The following NEMP2 variants were observed in gnomAD, a reference collection of about 807,000 sequenced individuals.
NEMP2 encodes nuclear envelope integral membrane protein 2.
NEMP2 carries 53 observed loss-of-function variants against 54.2 expected under a neutral mutation model. The observed-to-expected ratio is 0.98, with a 90% CI of 0.78 to 1.23. NEMP2 has a LOEUF of 1.23. Ranked by LOEUF, NEMP2 falls within the 50% of genes most tolerant of loss-of-function variation. The pLI is 0.00. For synonymous variants in NEMP2, 197 were observed against 190.3 expected (o/e 1.04, Z -0.29); for missense variants, 455 against 511.3 (o/e 0.89, Z 1.06).
chr2:190,480,380 ATAGTTAG>A, the NEMP2 span, among the ~76,000 whole-genome samples: 1 of 151,812 alleles, frequency 6.6e-6, no homozygotes, highest in Admixed American at 6.6e-5. Flanking sequence ...ATCATGTACT[ATAGTTAG>A]TAGTTTATAA....
At chr2:190,431,487 G>C in the NEMP2 span, among the ~76,000 whole-genome samples, 1 of 152,206 alleles carries the variant, frequency 6.6e-6, no homozygotes, top group Non-Finnish European at 1.5e-5. The surrounding 1 kb of genome is among the most constrained non-coding windows in gnomAD (Gnocchi z 4.4). Context: ...CGGATCACTC[G>C]CGATTAGGAG....
At position 190,521,766 on chromosome 2, in the gene NEMP2, AG is replaced by A. The variant is rs1268294384; in HGVS notation, c.214-2584del. 2.6e-5 allele frequency among the ~76,000 whole-genome samples: 4 copies of A among 152,346 alleles called. No homozygotes were observed. The highest frequency in any genetic ancestry group is 5.9e-5 in the Non-Finnish European group (4 of 68,036). ...CAGTCATCTTATTTGACCTGTCAAC[AG>A]CACTTGGCATTGCTGATTATTCCCT... is the stretch of plus-strand genomic sequence containing the variant. On this transcript the variant is annotated intron_variant, in intron 2 of 8. Transcript: ENST00000409150. The surrounding 1 kb of genome is among the most constrained non-coding windows in gnomAD (Gnocchi z 6.2).
chr2:190,589,460 A>T, the NEMP2 span, among the ~76,000 whole-genome samples: 1 of 152,170 alleles, frequency 6.6e-6, no homozygotes, highest in African/African-American at 2.4e-5. This position sits in a 1 kb window ranked among gnomAD's most constrained non-coding sequence, Gnocchi z 4.3. Flanking sequence ...ATTTAAGAAC[A>T]CAACCAGCAT....
At chr2:190,640,786 AATTTTTTTTTTTTTTTTTTTTTTTTTTT>A in the NEMP2 span, among the ~76,000 whole-genome samples, 1,055 of 119,332 alleles carry the variant, frequency 8.8e-3, 2 homozygotes, top group Admixed American at 0.012. Flanking sequence ...TAACACATTC[AATTTTTTTTTTTTTTTTTTTTTTTTTTT>A]TTTTTTTTTT....
the NEMP2 span, among the ~76,000 whole-genome samples, chr2:190,479,517 AC>A: frequency 6.6e-6 from 1 of 152,224 alleles, no homozygotes; most frequent in Non-Finnish European, 1.5e-5. Context: ...TGTACAAAGA[AC>A]AATTAAACAT....
At chr2:190,455,315 A>G in the NEMP2 span, among the ~76,000 whole-genome samples, 1 of 152,182 alleles carries the variant, frequency 6.6e-6, no homozygotes, top group Admixed American at 6.5e-5. Flanking sequence ...TAACGTTTTA[A>G]GTATAGGTAT....
chr2:190,431,072 G>A, the NEMP2 span, among the ~76,000 whole-genome samples: 5 of 134,460 alleles, frequency 3.7e-5, no homozygotes, highest in South Asian at 4.9e-4. This position sits in a 1 kb window ranked among gnomAD's most constrained non-coding sequence, Gnocchi z 4.4. Context: ...AGACGGGGTC[G>A]CAGCCGGGCA....
At chr2:190,549,157 T>C in the NEMP2 span, among the ~76,000 whole-genome samples, 1 of 152,250 alleles carries the variant, frequency 6.6e-6, no homozygotes, top group Admixed American at 6.5e-5. Context: ...GGCATGTGCC[T>C]CTGTTCTCTG....
At chr2:190,542,869 T>C in the NEMP2 span, among the ~76,000 whole-genome samples, 1 of 152,240 alleles carries the variant, frequency 6.6e-6, no homozygotes, top group Non-Finnish European at 1.5e-5. The surrounding 1 kb of genome is among the most constrained non-coding windows in gnomAD (Gnocchi z 4.6). Flanking sequence ...AGCACTGTTT[T>C]TGTAGGTTTA....
At chr2:190,606,919 G>A in the NEMP2 span, among the ~76,000 whole-genome samples, 1 of 152,032 alleles carries the variant, frequency 6.6e-6, no homozygotes, top group African/African-American at 2.4e-5. Context: ...ATTCAAATAA[G>A]ACCTACTGGC....
the NEMP2 span, among the ~76,000 whole-genome samples, chr2:190,554,860 T>G: frequency 6.6e-6 from 1 of 152,228 alleles, no homozygotes; most frequent in Non-Finnish European, 1.5e-5. The surrounding 1 kb of genome is among the most constrained non-coding windows in gnomAD (Gnocchi z 5.7). Context: ...GTATCCTGAC[T>G]GGGAGACACC....
chr2:190,540,306 C>T, the NEMP2 span, among the ~76,000 whole-genome samples: 2 of 147,920 alleles, frequency 1.4e-5, no homozygotes, highest in African/African-American at 2.5e-5. Flanking sequence ...TTTTTTGAGA[C>T]AGCACCTCAC....
chr2:190,553,220 A>C, the NEMP2 span: 1 of 148,488 alleles, frequency 6.7e-6, no homozygotes, highest in Admixed American at 6.8e-5. Context: ...TTAGGGAGAT[A>C]CTGTTATTAT....
At chr2:190,488,992 G>A in the NEMP2 span, among the ~76,000 whole-genome samples, 3 of 152,102 alleles carry the variant, frequency 2.0e-5, no homozygotes, top group South Asian at 2.1e-4. The surrounding 1 kb of genome is among the most constrained non-coding windows in gnomAD (Gnocchi z 6.4). Context: ...GTGTGCTTAC[G>A]TTGTTAAGCT....
In NEMP2 at chr2:190,528,717, T is replaced by A. The variant is rs1691034696; in HGVS notation, c.98-3339A>T. ...TAGAACAGTTCCCTTTTGTTAATGG[T>A]CTGAGGAAATAACCTTTTGGTGGGG... On this transcript the variant is annotated intron_variant, in intron 1 of 8. Transcript: ENST00000409150. This position sits in a 1 kb window ranked among gnomAD's most constrained non-coding sequence, Gnocchi z 4.3. Among the ~76,000 whole-genome samples the A allele has an allele frequency of 6.6e-6, 1 of 152,198 alleles. No homozygotes were observed. Among genetic ancestry groups the A allele is most frequent in the Non-Finnish European group, 1.5e-5 (1 of 68,022 alleles).
chr2:190,499,953 A>AT (rs1689940546), downstream of NEMP2: 2 of 1,605,504 alleles, frequency 1.2e-6, no homozygotes, highest in Admixed American at 1.7e-5. The surrounding 1 kb of genome is among the most constrained non-coding windows in gnomAD (Gnocchi z 6.0). Context: ...GAAAGCATAT[A>AT]TAAAAAGTTG....
At chr2:190,635,651 G>A in the NEMP2 span, among the ~76,000 whole-genome samples, 913 of 152,238 alleles carry the variant, frequency 6.0e-3, 17 homozygotes, top group African/African-American at 0.021. This position sits in a 1 kb window ranked among gnomAD's most constrained non-coding sequence, Gnocchi z 4.1. Flanking sequence ...AAATTCTTCT[G>A]TTGATCTAAT....
chr2:190,605,895 C>A, the NEMP2 span, among the ~76,000 whole-genome samples: 1 of 152,174 alleles, frequency 6.6e-6, no homozygotes, highest in Non-Finnish European at 1.5e-5. Context: ...TGTCTGTTGA[C>A]AGTGTACCTC....
the NEMP2 span, among the ~76,000 whole-genome samples, chr2:190,613,535 C>T: frequency 6.6e-6 from 1 of 152,060 alleles, no homozygotes; most frequent in Non-Finnish European, 1.5e-5. Flanking sequence ...TCAATAAATG[C>T]AAACAAAAAT....
Sources: gnomAD v4.1 joint callset for allele counts (sites outside exome capture counted in the v4.1 genomes callset) on GRCh38, gnomAD v4.1.1 for gene constraint, Gnocchi (gnomAD v3.1) non-coding constraint, MANE v1.5 for transcripts, NCBI Gene and HGNC (gene_info 2026-07-23, HGNC 2026-07-21) for gene names.